The following UBE2O variants were observed in gnomAD, a reference collection of about 807,000 sequenced individuals.
UBE2O encodes ubiquitin conjugating enzyme E2 O.
Under a neutral mutation model 125.8 loss-of-function variants are expected in UBE2O, and 15 were observed. The ratio of observed to expected loss-of-function variants is 0.12; its 90% CI spans 0.08 to 0.18. The LOEUF is 0.18. Ranked by LOEUF, UBE2O falls within the 10% of genes least tolerant of loss-of-function variation. UBE2O has a pLI of 1.00. For missense variants in UBE2O, 1,280 were observed against 1,723.6 expected (o/e 0.74, Z 4.56); for synonymous variants, 708 against 703.2 (o/e 1.01, Z -0.11).
At chr17:76,415,803 G>C (rs1034920872) in intron 1 of UBE2O, among the ~76,000 whole-genome samples, 7 of 151,132 alleles carry the variant, frequency 4.6e-5, no homozygotes, top group African/African-American at 7.3e-5. Context: ...GACTGTGTGT[G>C]TGTGTGTGTG....
At chr17:76,424,856 TTTTTTTA>T (rs1567848112) in intron 1 of UBE2O, among the ~76,000 whole-genome samples, 2 of 151,512 alleles carry the variant, frequency 1.3e-5, no homozygotes, top group Admixed American at 6.6e-5. Context: ...TTTCTTTTTT[TTTTTTTA>T]TTTTTTATTT....
intron 1 of UBE2O, among the ~76,000 whole-genome samples, chr17:76,406,658 CAG>C (rs1392438590): frequency 7.5e-5 from 11 of 145,978 alleles, no homozygotes; most frequent in Admixed American, 2.1e-4. Context: ...ACCAGCAGTG[CAG>C]AGAGTCCCAT....
intron 1 of UBE2O, among the ~76,000 whole-genome samples, chr17:76,417,717 G>A (rs1214213885): frequency 6.6e-6 from 1 of 150,632 alleles, no homozygotes; most frequent in Non-Finnish European, 1.5e-5. Context: ...AGGAAAGAAT[G>A]CTAAGCATGT....
intron 1 of UBE2O, among the ~76,000 whole-genome samples, chr17:76,434,709 T>C (rs570962041): frequency 6.6e-6 from 1 of 150,604 alleles, no homozygotes; most frequent in Non-Finnish European, 1.5e-5. Flanking sequence ...AATTCCGACA[T>C]GGCAAAGGTC....
At chr17:76,430,491 TG>T in intron 1 of UBE2O, 1 of 260,194 alleles carries the variant, frequency 3.8e-6, no homozygotes, top group Non-Finnish European at 7.6e-6. Flanking sequence ...ACAAAATGGG[TG>T]GTCTTTTTCT....
At chr17:76,441,571 G>A (rs936244233) in intron 1 of UBE2O, among the ~76,000 whole-genome samples, 5 of 152,164 alleles carry the variant, frequency 3.3e-5, no homozygotes, top group African/African-American at 1.2e-4. Flanking sequence ...TGACATCAAC[G>A]AGGTTTGGAA....
At chr17:76,425,063 G>T (rs1235624327) in intron 1 of UBE2O, among the ~76,000 whole-genome samples, 3 of 150,902 alleles carry the variant, frequency 2.0e-5, no homozygotes, top group African/African-American at 7.3e-5. Context: ...AGTAGAGACG[G>T]GATTTGACCA....
rs770124601 is a variant in UBE2O at position 76,415,794 on chromosome 17, A to ACT, written c.418-10224_418-10223dup. Among the ~76,000 whole-genome samples the ACT allele has an allele frequency of 3.2e-3, 443 of 138,782 alleles. 5 individuals are homozygous for ACT. Among genetic ancestry groups the ACT allele is most frequent in the African/African-American group, 8.9e-3 (316 of 35,362 alleles). The allele number at this position is 138,782 out of a possible 152,430, so 91.0% of individuals were successfully genotyped here. A position where few individuals can be genotyped will look rare whatever the true frequency, so the allele number is the denominator to read the frequency against. On this transcript the variant is annotated intron_variant, in intron 1 of 17. Transcript: ENST00000319380. ...ACTCCAGCTTGGGCAACAGAGCAAG[A>ACT]CTGTGTGTGTGTGTGTGTGTGTGTG...
rs28709924 is a variant in UBE2O, at chr17:76,452,313, C to G, written c.417+412G>C. ...CCCACAACCCCTCCCTGCACGGACC[C>G]GGCACGGCCTTCATTTCTGGATGCA... On this transcript the variant is annotated intron_variant, in intron 1 of 17. Coordinates refer to ENST00000319380, the MANE Select transcript of UBE2O (RefSeq NM_022066.4). The surrounding 1 kb of genome is among the most constrained non-coding windows in gnomAD (Gnocchi z 4.4). Among the ~76,000 whole-genome samples the G allele has an allele frequency of 0.064, 9,685 of 152,244 alleles. 384 individuals carry two copies. The highest frequency in any genetic ancestry group is 0.12 in the South Asian group (587 of 4,822).
chr17:76,446,115 C>T (rs1598625364), intron 1 of UBE2O, among the ~76,000 whole-genome samples: 1 of 152,328 alleles, frequency 6.6e-6, no homozygotes. Flanking sequence ...TCAGCAACTC[C>T]CCATCGCCAT....
intron 1 of UBE2O, among the ~76,000 whole-genome samples, chr17:76,451,882 C>A (rs1477617737): frequency 6.6e-6 from 1 of 152,054 alleles, no homozygotes. Context: ...TTTATGATGA[C>A]AAGCCTCTTT....
chr17:76,416,029 G>A (rs913015784), intron 1 of UBE2O, among the ~76,000 whole-genome samples: 2 of 149,578 alleles, frequency 1.3e-5, no homozygotes, highest in Admixed American at 1.3e-4. Context: ...GTACACACAC[G>A]TATATATGTG....
At chr17:76,419,556 G>C (rs939080102) in intron 1 of UBE2O, among the ~76,000 whole-genome samples, 1 of 152,126 alleles carries the variant, frequency 6.6e-6, no homozygotes, top group Non-Finnish European at 1.5e-5. Context: ...CAGCCCTTGG[G>C]AAAGACACAG....
rs779756024 is a variant in UBE2O at position 76,396,614 on chromosome 17, C to A, written c.2323G>T (p.Val775Leu). The A allele has an allele frequency of 6.2e-7, 1 of 1,612,054 alleles. No individual in the cohort carries two copies. The highest frequency in any genetic ancestry group is 1.7e-5 in the Admixed American group (1 of 59,852). ...GCTGTGGCTGCCTCTTCACTGATCA[C>A]CACTCCCTTGTCCTCAGGGGCCACC... is the stretch of plus-strand genomic sequence containing the variant. ...QPVAPEDKGVVISEEAATAAV... is the reference protein window; with the variant it reads ...QPVAPEDKGVLISEEAATAAV... Residue 775 changes from valine to leucine, a missense_variant, in exon 14 of 18, where the codon GTG (valine) becomes TTG (leucine). By Grantham distance (32) the Val-to-Leu change is conservative (BLOSUM62 1). Transcript: ENST00000319380. The surrounding 1 kb of genome is among the most constrained non-coding windows in gnomAD (Gnocchi z 6.7).
At chr17:76,393,079 T>C (rs1287860707) in intron 15 of UBE2O, among the ~76,000 whole-genome samples, 1 of 151,498 alleles carries the variant, frequency 6.6e-6, no homozygotes, top group Admixed American at 6.6e-5. Context: ...GGCAACATAG[T>C]GGGACCCTAT....
intron 1 of UBE2O, among the ~76,000 whole-genome samples, chr17:76,429,410 C>T (rs977361993): frequency 6.6e-6 from 1 of 151,460 alleles, no homozygotes; most frequent in Non-Finnish European, 1.5e-5. Flanking sequence ...GGAGTGGTGG[C>T]GCATGGCTGT....
intron 1 of UBE2O, among the ~76,000 whole-genome samples, chr17:76,429,962 G>A (rs2072877702): frequency 6.6e-6 from 1 of 152,184 alleles, no homozygotes; most frequent in Non-Finnish European, 1.5e-5. Context: ...AGAATTCAAA[G>A]AGATGACTTG....
chr17:76,429,690 C>T (rs560594003), intron 1 of UBE2O, among the ~76,000 whole-genome samples: 14 of 152,112 alleles, frequency 9.2e-5, no homozygotes, highest in Non-Finnish European at 1.8e-4. Context: ...CCACTACATA[C>T]TGGCAATGGC....
At chr17:76,430,974 C>T (rs932991462) in intron 1 of UBE2O, 4 of 278,412 alleles carry the variant, frequency 1.4e-5, no homozygotes, top group South Asian at 3.4e-5. Flanking sequence ...TTCACTTCTT[C>T]GTGCATAAGT....
Sources: allele counts gnomAD v4.1 joint callset (sites outside exome capture counted in the v4.1 genomes callset), GRCh38; gene constraint gnomAD v4.1.1; non-coding constraint Gnocchi (gnomAD v3.1); transcripts MANE v1.5; gene names NCBI Gene and HGNC (gene_info 2026-07-23, HGNC 2026-07-21).